Variants in ARHGAP39 observed in about 807,000 individuals in gnomAD.
The protein encoded by ARHGAP39 is Rho GTPase activating protein 39, also known as rho GTPase-activating protein 39.
In ARHGAP39, 44 loss-of-function variants were observed where a neutral mutation model predicts 106.9. That is an observed-to-expected ratio of 0.41 (90% CI 0.32 to 0.53). The LOEUF is 0.53. ARHGAP39 is among the 20% of genes least tolerant of loss of function. ARHGAP39 has a pLI of 0.21. For missense variants in ARHGAP39, 1,496 were observed against 1,577.3 expected (o/e 0.95, Z 0.87); for synonymous variants, 768 against 693.2 (o/e 1.11, Z -1.69).
chr8:144,605,478 A>G lies in ARHGAP39; in HGVS notation c.80+57T>C. 6.5e-6 allele frequency: 10 copies of G among 1,549,510 alleles called. No individual in the cohort carries two copies. The South Asian group carries it at 7.8e-5, about 12-fold the overall frequency. ...CACACTGCTTTCTCTGCAGGAAGAA[A>G]GCAGTTCCACCCACTCGTGAGGCCC... On this transcript the variant is annotated intron_variant, in intron 2 of 11. Transcript: ENST00000377307.
At position 144,641,446 on chromosome 8, in the gene ARHGAP39, C is replaced by T. The variant is rs1021187801; in HGVS notation, c.-81-35751G>A. 6.6e-6 allele frequency among the ~76,000 whole-genome samples: 1 copy of T among 152,000 alleles called. No individual in the cohort carries two copies. The highest frequency in any genetic ancestry group is 2.4e-5 in the African/African-American group (1 of 41,386). ...CACCAAGACCCCACCATGCTCACAT[C>T]GAGGAGGAATGCAGTGGCGCCCAGG... On this transcript the variant is annotated intron_variant, in intron 1 of 11. Coordinates refer to ENST00000377307, the MANE Select transcript of ARHGAP39 (RefSeq NM_025251.3). This position sits in a 1 kb window ranked among gnomAD's most constrained non-coding sequence, Gnocchi z 5.2.
At chr8:144,656,877 T>C (rs982484291) in intron 1 of ARHGAP39, among the ~76,000 whole-genome samples, 45 of 150,158 alleles carry the variant, frequency 3.0e-4, no homozygotes, top group Admixed American at 1.5e-3. Context: ...CAAACCACTT[T>C]AACCAACATT....
In ARHGAP39 at chr8:144,545,295, C is replaced by T; in HGVS notation, c.2475G>A (p.Leu825=). The change falls in exon 6 of 12, where the codon CTG becomes CTA. Residue 825 remains leucine (L), a synonymous_variant. Coordinates refer to ENST00000377307, the MANE Select transcript of ARHGAP39 (RefSeq NM_025251.3). ...CCATGTGCCGGTAGATGTAGCCTTC[C>T]AGGTAGGAGTGGAACTTGGGGGTGG... ...FPPTPKFHSY[L]EGYIYRHMDP... The T allele has an allele frequency of 1.3e-6, 2 of 1,573,702 alleles. No individual in the cohort carries two copies. Among genetic ancestry groups the T allele is most frequent in the South Asian group, 1.1e-5 (1 of 88,144 alleles).
chr8:144,649,491 C>T (rs1172294301), intron 1 of ARHGAP39, among the ~76,000 whole-genome samples: 2 of 151,832 alleles, frequency 1.3e-5, no homozygotes, highest in Non-Finnish European at 2.9e-5. Context: ...CAAACGTGGC[C>T]AGGCGCTGTG....
At chr8:144,574,138 C>G (rs1348363488) in intron 3 of ARHGAP39, among the ~76,000 whole-genome samples, 3 of 132,336 alleles carry the variant, frequency 2.3e-5, no homozygotes, top group Non-Finnish European at 4.7e-5. Flanking sequence ...TGTACTGCAG[C>G]CTGGGTGACA....
intron 2 of ARHGAP39, among the ~76,000 whole-genome samples, chr8:144,582,951 C>T (rs1563686870): frequency 1.3e-5 from 2 of 152,212 alleles, no homozygotes. Flanking sequence ...AAACAAATGC[C>T]TCGGCTTGCT....
In ARHGAP39 at chr8:144,604,416, C is replaced by T. The variant is rs963445067; in HGVS notation, c.80+1119G>A. 1.4e-4 allele frequency among the ~76,000 whole-genome samples: 22 copies of T among 152,152 alleles called. No homozygotes were observed. Among genetic ancestry groups the T allele is most frequent in the Admixed American group, 7.9e-4 (12 of 15,280 alleles). Reference sequence around the variant, plus strand: ...CTGTGACACGGGGGTCTCACGCAGTCGCTCAGGCCAGAGTGCAGTGGTGTG... The same window carrying T: ...CTGTGACACGGGGGTCTCACGCAGTTGCTCAGGCCAGAGTGCAGTGGTGTG... On this transcript the variant is annotated intron_variant, in intron 2 of 11. Coordinates refer to ENST00000377307, the MANE Select transcript of ARHGAP39 (RefSeq NM_025251.3). The surrounding 1 kb of genome is among the most constrained non-coding windows in gnomAD (Gnocchi z 4.1).
the ARHGAP39 span, chr8:144,698,984 C>G: frequency 4.7e-6 from 2 of 423,436 alleles, no homozygotes; most frequent in Non-Finnish European, 9.5e-6. Flanking sequence ...CCGCGTTTCT[C>G]TTTGGAGTGG....
At position 144,685,766 on chromosome 8, in the gene ARHGAP39, G is replaced by A. The variant is rs1040307257; in HGVS notation, c.-162C>T. Among the ~76,000 whole-genome samples, 2 of 147,552 alleles carry A rather than the reference G, an allele frequency of 1.4e-5. No homozygotes were observed. The highest frequency in any genetic ancestry group is 3.0e-5 in the Non-Finnish European group (2 of 66,264). ...GCGCGTGAGCCAGCCGCCGCTCCCC[G>A]GCCTCTCTGCTGCTCCGCCGCTGCT... On this transcript the variant is annotated 5_prime_UTR_variant, in exon 1 of 12. Transcript: ENST00000377307.
chr8:144,601,813 G>C (rs1412526205), intron 2 of ARHGAP39, among the ~76,000 whole-genome samples: 1 of 139,590 alleles, frequency 7.2e-6, no homozygotes, highest in Non-Finnish European at 1.5e-5. Context: ...GTGTGTGTGT[G>C]TGGAGGCGTG....
chr8:144,578,829 G>C (rs1453278729), intron 3 of ARHGAP39, among the ~76,000 whole-genome samples: 1 of 152,136 alleles, frequency 6.6e-6, no homozygotes, highest in South Asian at 2.1e-4. Flanking sequence ...CAGAGACAAA[G>C]AGAGACCCTG....
the ARHGAP39 span, chr8:144,698,667 T>C: frequency 3.2e-6 from 1 of 316,734 alleles, no homozygotes; most frequent in Non-Finnish European, 6.3e-6. Context: ...AGTATTTTGC[T>C]AGGAACCTAT....
Position 144,545,609 on chromosome 8 carries a change from C to A in ARHGAP39, c.2161G>T (p.Ala721Ser), listed in dbSNP as rs778395313. 2.5e-6 allele frequency: 4 copies of A among 1,613,754 alleles called. No individual in the cohort carries two copies. Among genetic ancestry groups the A allele is most frequent in the Middle Eastern group, 1.6e-4 (1 of 6,062 alleles). The part of the protein sequence containing the change: ...RRKVSIANML[A>S]WSSESIKKPM... ...TTCTTGATGGACTCGCTGCTCCAGG[C>A]CAGCATGTTGGCGATGGACACCTTC... The change falls in exon 6 of 12, where the codon GCC becomes TCC. Residue 721 changes from alanine to serine, a missense_variant. By Grantham distance (99) the Ala-to-Ser change is moderately conservative. This residue lies in a region of ARHGAP39 where 470 missense variants were observed against 605.1 expected (regional missense o/e 0.78). Coordinates refer to ENST00000377307, the MANE Select transcript of ARHGAP39 (RefSeq NM_025251.3).
intron 1 of ARHGAP39, among the ~76,000 whole-genome samples, chr8:144,680,204 A>C (rs1822368599): frequency 6.6e-6 from 1 of 152,166 alleles, no homozygotes; most frequent in African/African-American, 2.4e-5. Flanking sequence ...TTCAGCTAGA[A>C]GACCACCTCG....
intron 1 of ARHGAP39, among the ~76,000 whole-genome samples, chr8:144,622,496 T>C (rs1366955255): frequency 6.6e-6 from 1 of 151,924 alleles, no homozygotes; most frequent in Non-Finnish European, 1.5e-5. Flanking sequence ...AGAGCGGCTG[T>C]GCCCGGAGCC....
chr8:144,607,791 G>A (rs188934636), intron 1 of ARHGAP39, among the ~76,000 whole-genome samples: 15 of 152,282 alleles, frequency 9.9e-5, no homozygotes, highest in Admixed American at 7.2e-4. Context: ...GAGGAAACGC[G>A]CTTTCCGCCA....
rs569231962 is a variant in ARHGAP39 at position 144,639,135 on chromosome 8, T to C, written c.-81-33440A>G. ...TGAGGTCAGGAGTTTGAGACCAGTC[T>C]GACCAACATGGTGAAACTCCACCTC... On this transcript the variant is annotated intron_variant, in intron 1 of 11. Transcript: ENST00000377307. Among the ~76,000 whole-genome samples, 3 of 152,226 alleles carry C rather than the reference T, an allele frequency of 2.0e-5. No homozygotes were observed. The East Asian group carries it at 5.8e-4, about 29-fold the overall frequency.
At chr8:144,652,017 G>T (rs1821585504) in intron 1 of ARHGAP39, among the ~76,000 whole-genome samples, 1 of 152,120 alleles carries the variant, frequency 6.6e-6, no homozygotes. Context: ...AATAGGAAAA[G>T]ATTTCATAAC....
At chr8:144,578,721 C>T (rs769665262) in intron 3 of ARHGAP39, among the ~76,000 whole-genome samples, 9 of 151,804 alleles carry the variant, frequency 5.9e-5, no homozygotes, top group Non-Finnish European at 1.0e-4. Context: ...TGTGGTGGCA[C>T]GTGCCTGCAG....
Sources: gnomAD v4.1 joint callset for allele counts (sites outside exome capture counted in the v4.1 genomes callset) on GRCh38, gnomAD v4.1.1 for gene constraint, gnomAD v4.1.1 regional missense constraint, Gnocchi (gnomAD v3.1) non-coding constraint, MANE v1.5 for transcripts, NCBI Gene and HGNC (gene_info 2026-07-23, HGNC 2026-07-21) for gene names.